DOK6: variants seen among roughly 807,000 people sequenced by gnomAD.
The protein encoded by DOK6 is docking protein 6.
Under a neutral mutation model 44.0 loss-of-function variants are expected in DOK6, and 22 were observed. That is an observed-to-expected ratio of 0.50 (90% confidence interval 0.36 to 0.71). DOK6 has a LOEUF of 0.71. Among genes scored for constraint, DOK6 ranks in the 30% least tolerant of loss-of-function variants. DOK6 has a pLI of 0.00. For synonymous variants in DOK6, 166 were observed against 145.5 expected (o/e 1.14, Z -1.01); for missense variants, 340 against 416.4 (o/e 0.82, Z 1.60).
chr18:69,474,912 G>T (rs903739680), intron 1 of DOK6, among the ~76,000 whole-genome samples: 25 of 152,022 alleles, frequency 1.6e-4, no homozygotes, highest in African/African-American at 5.3e-4. Flanking sequence ...GCAACAGAAT[G>T]TAATGTTTTA....
At chr18:69,772,707 A>G (rs960406206) in intron 7 of DOK6, among the ~76,000 whole-genome samples, 1 of 152,026 alleles carries the variant, frequency 6.6e-6, no homozygotes, top group Non-Finnish European at 1.5e-5. Context: ...TCAACTCAAA[A>G]TGGTTTAAAG....
At chr18:69,808,106 C>T (rs1981109103) in intron 7 of DOK6, among the ~76,000 whole-genome samples, 1 of 151,606 alleles carries the variant, frequency 6.6e-6, no homozygotes, top group South Asian at 2.1e-4. Context: ...TTTCTGACCA[C>T]AATGGTATAA....
At chr18:69,760,378 C>T (rs1979506769) in intron 7 of DOK6, among the ~76,000 whole-genome samples, 1 of 152,126 alleles carries the variant, frequency 6.6e-6, no homozygotes, top group Admixed American at 6.6e-5. Flanking sequence ...TCCCTGTAAT[C>T]CCAGCACTTT....
At chr18:69,680,165 TG>T in intron 4 of DOK6, among the ~76,000 whole-genome samples, 1 of 152,330 alleles carries the variant, frequency 6.6e-6, no homozygotes, top group South Asian at 2.1e-4. Flanking sequence ...AAGGTAATAC[TG>T]GGTTTATTTA....
At chr18:69,746,810 T>G (rs915956433) in intron 6 of DOK6, among the ~76,000 whole-genome samples, 1 of 152,202 alleles carries the variant, frequency 6.6e-6, no homozygotes, top group South Asian at 2.1e-4. Context: ...CCAATTGGTG[T>G]TCTTCTTGAA....
chr18:69,436,916 A>G (rs1470879026), intron 1 of DOK6, among the ~76,000 whole-genome samples: 1 of 152,142 alleles, frequency 6.6e-6, no homozygotes, highest in Non-Finnish European at 1.5e-5. Flanking sequence ...ACCAGTGATG[A>G]TGAGCTTTTT....
At chr18:69,581,465 C>G (rs1322476466) in intron 2 of DOK6, among the ~76,000 whole-genome samples, 1 of 152,166 alleles carries the variant, frequency 6.6e-6, no homozygotes, top group Non-Finnish European at 1.5e-5. Flanking sequence ...TGATCTAACT[C>G]TAGTAGCTAC....
chr18:69,467,298 A>G (rs1356606534), intron 1 of DOK6, among the ~76,000 whole-genome samples: 1 of 152,168 alleles, frequency 6.6e-6, no homozygotes, highest in Non-Finnish European at 1.5e-5. Flanking sequence ...AAGATCATAG[A>G]CCATTTTTAA....
intron 1 of DOK6, among the ~76,000 whole-genome samples, chr18:69,541,046 A>G (rs1982255413): frequency 6.6e-6 from 1 of 152,156 alleles, no homozygotes; most frequent in South Asian, 2.1e-4. Flanking sequence ...AGCATATATT[A>G]TAATACATAA....
chr18:69,563,319 A>G (rs1298684317), intron 1 of DOK6, among the ~76,000 whole-genome samples: 1 of 152,182 alleles, frequency 6.6e-6, no homozygotes, highest in Admixed American at 6.5e-5. Context: ...CCAAAAGATT[A>G]TAAATCATGC....
chr18:69,535,156 C>T (rs543683740), intron 1 of DOK6, among the ~76,000 whole-genome samples: 31 of 152,082 alleles, frequency 2.0e-4, no homozygotes, highest in African/African-American at 6.3e-4. Context: ...ATGAGGGGAA[C>T]GAATGTGAAT....
At chr18:69,744,449 A>ATT (rs78562656) in intron 6 of DOK6, among the ~76,000 whole-genome samples, 18 of 151,656 alleles carry the variant, frequency 1.2e-4, no homozygotes, top group East Asian at 3.9e-4. Flanking sequence ...CATATTTGTG[A>ATT]TTTTTTTTCT....
At chr18:69,552,881 G>A (rs963037997) in intron 1 of DOK6, among the ~76,000 whole-genome samples, 2 of 152,266 alleles carry the variant, frequency 1.3e-5, no homozygotes, top group Non-Finnish European at 1.5e-5. Context: ...GAGAAAATGT[G>A]TGTGTGTGCA....
rs186075320 is a variant in DOK6, at chr18:69,751,811, C to T, written c.739-5945C>T. Among the ~76,000 whole-genome samples, 618 of 151,712 alleles carry T rather than the reference C, an allele frequency of 4.1e-3. 4 individuals carry two copies. Among genetic ancestry groups the T allele is most frequent in the African/African-American group, 0.014 (587 of 41,330 alleles). On this transcript the variant is annotated intron_variant, in intron 6 of 7. Transcript: ENST00000382713. ...CTTGAGGCCAGGGTTCCAGAGCAGCCTGGGCAACATAATGAGATCTCGTCT... is the reference window on the plus strand; with the variant it reads ...CTTGAGGCCAGGGTTCCAGAGCAGCTTGGGCAACATAATGAGATCTCGTCT...
chr18:69,605,713 G>T lies in DOK6; in HGVS notation c.289+6215G>T, dbSNP rs1983978852. Among the ~76,000 whole-genome samples, 3 of 151,996 alleles carry T rather than the reference G, an allele frequency of 2.0e-5. No homozygotes were observed. In the East Asian group the frequency reaches 5.8e-4, roughly 29 times the overall value. ...AAGACATTCATGATAAAAACTATGA[G>T]AAAATAAAAAATAGATGGGAACTTC... On this transcript the variant is annotated intron_variant, in intron 3 of 7. Coordinates refer to ENST00000382713, the MANE Select transcript of DOK6 (RefSeq NM_152721.6).
chr18:69,628,340 C>T (rs1425228849), intron 3 of DOK6, among the ~76,000 whole-genome samples: 3 of 152,074 alleles, frequency 2.0e-5, no homozygotes, highest in African/African-American at 7.2e-5. Flanking sequence ...AAATATAAAA[C>T]TTATCCAGGT....
chr18:69,543,593 C>G (rs546567101), intron 1 of DOK6, among the ~76,000 whole-genome samples: 1 of 151,560 alleles, frequency 6.6e-6, no homozygotes, highest in African/African-American at 2.4e-5. Flanking sequence ...ACATTAATAT[C>G]TTGCTTAAGG....
rs1982265021 is a variant in DOK6 at position 69,842,930 on chromosome 18, T to C, written c.*1547T>C. 6.6e-6 allele frequency: 1 copy of C among 152,046 alleles called. No individual in the cohort carries two copies. Among genetic ancestry groups the C allele is most frequent in the South Asian group, 2.1e-4 (1 of 4,826 alleles). 9.4% of individuals were successfully genotyped at this position (152,046 alleles called of 1,614,324 possible). On this transcript the variant is annotated 3_prime_UTR_variant, in exon 8 of 8. Coordinates refer to ENST00000382713, the MANE Select transcript of DOK6 (RefSeq NM_152721.6). Reference sequence around the variant, plus strand: ...CTTAATAGGAAAATTTTTTAAACTATCCAAATTAGTCTGTTGAAAGGGTAC... The same window carrying C: ...CTTAATAGGAAAATTTTTTAAACTACCCAAATTAGTCTGTTGAAAGGGTAC...
chr18:69,731,806 C>T lies in DOK6; in HGVS notation c.600-7159C>T, dbSNP rs189551951. On this transcript the variant is annotated intron_variant, in intron 5 of 7. Transcript: ENST00000382713. ...AATCGTAACATGGCAGTTAAATTCA[C>T]GTTAAAAGGAAAGTATACTTCATAA... Among the ~76,000 whole-genome samples the T allele has an allele frequency of 1.1e-4, 17 of 152,190 alleles. No individual in the cohort carries two copies. In the East Asian group the frequency reaches 2.7e-3, roughly 24 times the overall value.
Sources: gnomAD v4.1 joint callset for allele counts (sites outside exome capture counted in the v4.1 genomes callset) on GRCh38, gnomAD v4.1.1 for gene constraint, MANE v1.5 for transcripts, NCBI Gene and HGNC (gene_info 2026-07-23, HGNC 2026-07-21) for gene names.